Variants in GRIK2 observed in about 807,000 individuals in gnomAD.
The protein encoded by GRIK2 is glutamate receptor ionotropic, kainate 2.
Under a neutral mutation model 100.3 loss-of-function variants are expected in GRIK2, and 32 were observed. That is an observed-to-expected ratio of 0.32 (90% CI 0.24 to 0.43). GRIK2 has a LOEUF of 0.43. GRIK2 is among the 20% of genes least tolerant of loss of function. The pLI is 1.00. For missense variants in GRIK2, 843 were observed against 1,114.9 expected, an observed-to-expected ratio of 0.76 and a Z score of 3.47; for synonymous variants, 417 against 389.4, an observed-to-expected ratio of 1.07 and a Z score of -0.83.
intron 14 of GRIK2, among the ~76,000 whole-genome samples, chr6:101,974,136 A>T (rs1167711583): frequency 4.6e-5 from 7 of 151,946 alleles, no homozygotes; most frequent in African/African-American, 1.7e-4. Flanking sequence ...AAATTTAGCC[A>T]TCTTGTCTTT....
intron 15 of GRIK2, among the ~76,000 whole-genome samples, chr6:102,048,981 G>C (rs901567033): frequency 6.6e-6 from 1 of 151,542 alleles, no homozygotes; most frequent in African/African-American, 2.4e-5. Context: ...GAAGGATTTG[G>C]GTTCTATTAA....
intron 9 of GRIK2, among the ~76,000 whole-genome samples, chr6:101,811,657 T>C (rs1380608714): frequency 2.6e-5 from 4 of 151,982 alleles, no homozygotes; most frequent in Non-Finnish European, 5.9e-5. Context: ...ATAAGAAATG[T>C]GTGACATTGA....
chr6:101,827,764 G>A (rs1490559603), intron 10 of GRIK2, among the ~76,000 whole-genome samples: 1 of 151,874 alleles, frequency 6.6e-6, no homozygotes, highest in Non-Finnish European at 1.5e-5. Context: ...ATTCAATATT[G>A]GAGCTCCCAC....
At chr6:101,923,866 A>G (rs1204666839) in intron 12 of GRIK2, among the ~76,000 whole-genome samples, 1 of 146,098 alleles carries the variant, frequency 6.8e-6, no homozygotes, top group Admixed American at 7.0e-5. Flanking sequence ...GGTTGCAGTG[A>G]GCCGAGATTG....
chr6:101,980,408 T>C (rs1162642894), intron 14 of GRIK2, among the ~76,000 whole-genome samples: 1 of 151,970 alleles, frequency 6.6e-6, no homozygotes, highest in African/African-American at 2.4e-5. Context: ...CTTAGATTTA[T>C]AAAGTATTTT....
At chr6:101,769,882 G>A (rs1290594693) in intron 7 of GRIK2, among the ~76,000 whole-genome samples, 2 of 152,190 alleles carry the variant, frequency 1.3e-5, no homozygotes, top group African/African-American at 4.8e-5. Flanking sequence ...TAATTCTTCT[G>A]AAATAATTAC....
chr6:101,839,144 A>G (rs1290751751), intron 10 of GRIK2, among the ~76,000 whole-genome samples: 1 of 152,110 alleles, frequency 6.6e-6, no homozygotes, highest in African/African-American at 2.4e-5. Flanking sequence ...TGTGCCTACA[A>G]ACTTTTAGCA....
At chr6:101,792,659 C>G (rs943074291) in intron 7 of GRIK2, among the ~76,000 whole-genome samples, 2 of 152,136 alleles carry the variant, frequency 1.3e-5, no homozygotes, top group Admixed American at 6.5e-5. Context: ...TTCATTTCAA[C>G]TTTGGTAAAT....
intron 14 of GRIK2, among the ~76,000 whole-genome samples, chr6:101,944,371 G>T (rs1791143249): frequency 6.6e-6 from 1 of 152,128 alleles, no homozygotes; most frequent in South Asian, 2.1e-4. Flanking sequence ...CAGACTCTGT[G>T]ACAAGTGTCA....
intron 2 of GRIK2, among the ~76,000 whole-genome samples, chr6:101,554,524 C>T (rs1776652014): frequency 6.6e-6 from 1 of 152,126 alleles, no homozygotes; most frequent in South Asian, 2.1e-4. Flanking sequence ...TCACTCAAAT[C>T]CCTTCTCCTA....
At chr6:101,782,258 C>G (rs1482973747) in intron 7 of GRIK2, among the ~76,000 whole-genome samples, 1 of 152,162 alleles carries the variant, frequency 6.6e-6, no homozygotes, top group Admixed American at 6.5e-5. Flanking sequence ...GTTGTTAACT[C>G]TAGTTACCCT....
chr6:102,033,433 G>A (rs889859861), intron 14 of GRIK2, among the ~76,000 whole-genome samples: 9 of 151,220 alleles, frequency 6.0e-5, no homozygotes, highest in Non-Finnish European at 1.3e-4. Flanking sequence ...TGAGTGGGTT[G>A]GGGGAGTCAT....
chr6:101,966,657 G>A (rs1792692553), intron 14 of GRIK2, among the ~76,000 whole-genome samples: 1 of 152,094 alleles, frequency 6.6e-6, no homozygotes, highest in African/African-American at 2.4e-5. Context: ...ATGGATAAAG[G>A]AAGAGGGACG....
chr6:102,052,944 T>C (rs956994006), intron 15 of GRIK2, among the ~76,000 whole-genome samples: 1 of 152,014 alleles, frequency 6.6e-6, no homozygotes, highest in African/African-American at 2.4e-5. Context: ...GGCGGGCACC[T>C]GTCATCCCAG....
intron 14 of GRIK2, among the ~76,000 whole-genome samples, chr6:102,000,042 T>C (rs1268287017): frequency 6.6e-6 from 1 of 152,004 alleles, no homozygotes; most frequent in Non-Finnish European, 1.5e-5. Flanking sequence ...GTGTTGAATC[T>C]ACTTGTTAAC....
chr6:101,825,896 C>A (rs1782293075), intron 10 of GRIK2, among the ~76,000 whole-genome samples: 1 of 152,052 alleles, frequency 6.6e-6, no homozygotes, highest in African/African-American at 2.4e-5. Flanking sequence ...TTAGCTACAA[C>A]CTTGAACTGA....
intron 2 of GRIK2, among the ~76,000 whole-genome samples, chr6:101,516,758 A>G (rs1562194973): frequency 6.6e-6 from 1 of 152,134 alleles, no homozygotes; most frequent in Non-Finnish European, 1.5e-5. Flanking sequence ...TCAGTTAGAA[A>G]TTTGGCTGCC....
chr6:101,818,530 C>A, intron 10 of GRIK2, 47 bp downstream of exon 10: 2 of 997,868 alleles, frequency 2.0e-6, no homozygotes, highest in South Asian at 2.6e-5. Context: ...TAGATGAACA[C>A]AGAAGTGCAT....
intron 2 of GRIK2, among the ~76,000 whole-genome samples, chr6:101,617,313 T>C: frequency 6.6e-6 from 1 of 151,846 alleles, no homozygotes; most frequent in East Asian, 1.9e-4. Context: ...TTCCCACCAC[T>C]AACATTTTTT....
Sources: gnomAD v4.1 joint callset for allele counts (sites outside exome capture counted in the v4.1 genomes callset) on GRCh38, gnomAD v4.1.1 for gene constraint, MANE v1.5 for transcripts, NCBI Gene and HGNC (gene_info 2026-07-23, HGNC 2026-07-21) for gene names.